Variants in CCDC39 observed in about 807,000 individuals in gnomAD.
CCDC39 encodes the protein coiled-coil domain-containing protein 39.
In CCDC39, 113 loss-of-function variants were observed where a neutral mutation model predicts 121.0. The ratio of observed to expected loss-of-function variants is 0.93; its 90% CI spans 0.80 to 1.09. CCDC39 has a LOEUF of 1.09. CCDC39 is among the 50% of genes least tolerant of loss of function. CCDC39 has a pLI of 0.00. For missense variants in CCDC39, 1,063 were observed against 1,074.7 expected (o/e 0.99, Z 0.15); for synonymous variants, 349 against 352.2 (o/e 0.99, Z 0.10).
chr3:180,619,459 T>C (rs757073786), intron 15 of CCDC39, 94 bp from the exon 16 acceptor site: 1 of 715,762 alleles, frequency 1.4e-6, no homozygotes, highest in East Asian at 2.8e-5. Context: ...ATTTTTGTTA[T>C]GAAAGTTTAA....
chr3:180,628,244 T>C (rs1717609777), intron 14 of CCDC39, among the ~76,000 whole-genome samples: 2 of 152,186 alleles, frequency 1.3e-5, no homozygotes, highest in Non-Finnish European at 2.9e-5. Flanking sequence ...GGAGTCTCAC[T>C]CTGTCGCCCA....
intron 14 of CCDC39, among the ~76,000 whole-genome samples, chr3:180,625,066 C>G (rs1717525989): frequency 6.6e-6 from 1 of 152,098 alleles, no homozygotes; most frequent in Admixed American, 6.5e-5. Context: ...CGGCGTCTAA[C>G]TCTCTTACTA....
chr3:180,665,633 T>C (rs1184485918), intron 1 of CCDC39, among the ~76,000 whole-genome samples: 1 of 151,956 alleles, frequency 6.6e-6, no homozygotes, highest in Non-Finnish European at 1.5e-5. Context: ...TCTTAATGAT[T>C]GAATTAAAAA....
chr3:180,663,543 G>A (rs1356976144), intron 2 of CCDC39, among the ~76,000 whole-genome samples: 1 of 151,788 alleles, frequency 6.6e-6, no homozygotes, highest in African/African-American at 2.4e-5. Context: ...GGTGGTGGGT[G>A]CCTATAATCC....
intron 6 of CCDC39, 28 bp from the exon 7 acceptor site, chr3:180,654,981 A>T (rs1476023098): frequency 7.3e-7 from 1 of 1,376,824 alleles, no homozygotes; most frequent in Non-Finnish European, 9.7e-7. Flanking sequence ...ATGTTTACTT[A>T]AATATATGTT....
intron 6 of CCDC39, 43 bp from the exon 7 acceptor site, chr3:180,654,996 C>A (rs1261412502): frequency 8.1e-7 from 1 of 1,237,432 alleles, no homozygotes; most frequent in South Asian, 1.8e-5. Context: ...TATGTTTAAA[C>A]TGAGAAAACT....
chr3:180,641,927 G>A, intron 13 of CCDC39, 66 bp downstream of exon 13: 4 of 1,130,024 alleles, frequency 3.5e-6, no homozygotes, highest in Non-Finnish European at 5.0e-6. Flanking sequence ...GTTAGAGGGG[G>A]CAGCTAGTTC....
rs1717172932 is a variant in CCDC39, at chr3:180,614,943, T to C, written c.2804A>G (p.Lys935Arg). ...TGTTTATTTGCTGCTCTTTTTGCTCTTAACATTACTAGAGCTACTACTAGC... is the reference window on the plus strand; with the variant it reads ...TGTTTATTTGCTGCTCTTTTTGCTCCTAACATTACTAGAGCTACTACTAGC... ...SSASSSSSNV[K>R]SKKSSK The change falls in exon 20 of 20, where the codon AAG (lysine) becomes AGG (arginine). Residue 935 changes from lysine to arginine, a missense_variant. Coordinates refer to ENST00000476379, the MANE Select transcript of CCDC39 (RefSeq NM_181426.2). 11 of 1,565,368 alleles carry C rather than the reference T, an allele frequency of 7.0e-6. No individual in the cohort carries two copies. The highest frequency in any genetic ancestry group is 1.2e-5 in the South Asian group (1 of 84,926).
At chr3:180,640,074 C>G (rs1377548344) in intron 13 of CCDC39, among the ~76,000 whole-genome samples, 1 of 151,798 alleles carries the variant, frequency 6.6e-6, no homozygotes, top group East Asian at 1.9e-4. Context: ...GGGGGAAGGA[C>G]CGAAGGGAGG....
chr3:180,617,648 T>G (rs1717299469), intron 16 of CCDC39: 1 of 405,880 alleles, frequency 2.5e-6, no homozygotes, highest in Non-Finnish European at 4.4e-6. Flanking sequence ...AGAAAAATGC[T>G]TAGAGAATAA....
chr3:180,676,614 A>C (rs146311491), intron 1 of CCDC39, among the ~76,000 whole-genome samples: 5,756 of 152,242 alleles, frequency 0.038, 372 homozygotes, highest in African/African-American at 0.13. Flanking sequence ...AACTAGAAAT[A>C]CCATTTGACC....
At position 180,647,252 on chromosome 3, in the gene CCDC39, G is replaced by C; in HGVS notation, c.1363-9C>G. On this transcript the variant is annotated splice_polypyrimidine_tract_variant and intron_variant, in intron 10 of 19. Coordinates refer to ENST00000476379, the MANE Select transcript of CCDC39 (RefSeq NM_181426.2). ...TGTTGAATGTGAAAATCCTGTTACAGTTTAAAAAAAAAAAGGTATTACAAA... is the reference window on the plus strand; with the variant it reads ...TGTTGAATGTGAAAATCCTGTTACACTTTAAAAAAAAAAAGGTATTACAAA... 6.7e-7 allele frequency: 1 copy of C among 1,491,820 alleles called. No individual in the cohort carries two copies. The highest frequency in any genetic ancestry group is 9.0e-7 in the Non-Finnish European group (1 of 1,115,162). The allele number at this position is 1,491,820 out of a possible 1,614,324, so 92.4% of individuals were successfully genotyped here.
chr3:180,678,384 A>C (rs750180474), intron 1 of CCDC39, among the ~76,000 whole-genome samples: 7 of 152,104 alleles, frequency 4.6e-5, no homozygotes, highest in Non-Finnish European at 8.8e-5. Context: ...AGCTGAGAAA[A>C]CTTTCTGTTC....
rs751268978 is a variant in CCDC39, at chr3:180,654,748, T to G, written c.930+14A>C. The G allele has an allele frequency of 1.5e-5, 24 of 1,583,208 alleles. No individual in the cohort carries two copies. The highest frequency in any genetic ancestry group is 4.1e-5 in the African/African-American group (3 of 73,846). ...TCGTGAACATACAAGCCAGTCTTTT[T>G]TGAGTTGACATACCTCACCCTTCAG... On this transcript the variant is annotated intron_variant, in intron 7 of 19. Coordinates refer to ENST00000476379, the MANE Select transcript of CCDC39 (RefSeq NM_181426.2).
chr3:180,634,860 T>C (rs1472468997), intron 13 of CCDC39, among the ~76,000 whole-genome samples: 1 of 151,980 alleles, frequency 6.6e-6, no homozygotes, highest in African/African-American at 2.4e-5. Context: ...CAGCTACAAA[T>C]AAAGACCCCA....
In CCDC39 at chr3:180,679,207, A is replaced by G; in HGVS notation, c.90+84T>C. On this transcript the variant is annotated intron_variant, in intron 1 of 19. Coordinates refer to ENST00000476379, the MANE Select transcript of CCDC39 (RefSeq NM_181426.2). The surrounding 1 kb of genome is among the most constrained non-coding windows in gnomAD (Gnocchi z 4.0). ...ACAGGATTAGGAAAGGAGAGAAATA[A>G]AAGGGCTGGGGTAGTACTGCCAACC... The G allele has an allele frequency of 1.0e-6, 1 of 988,282 alleles. No individual in the cohort carries two copies. Among genetic ancestry groups the G allele is most frequent in the East Asian group, 2.4e-5 (1 of 42,068 alleles). 61.2% of individuals were successfully genotyped at this position (988,282 alleles called of 1,614,324 possible).
intron 1 of CCDC39, among the ~76,000 whole-genome samples, chr3:180,668,169 G>A (rs1456554532): frequency 6.6e-6 from 1 of 152,070 alleles, no homozygotes. Flanking sequence ...CTTGAGACCG[G>A]GAGTTCAAGA....
At chr3:180,646,863 C>G (rs1010449698) in intron 11 of CCDC39, among the ~76,000 whole-genome samples, 1 of 151,994 alleles carries the variant, frequency 6.6e-6, no homozygotes, top group African/African-American at 2.4e-5. Flanking sequence ...AAATAAAATA[C>G]TAGAGGCATG....
intron 11 of CCDC39, among the ~76,000 whole-genome samples, chr3:180,646,697 TCTAAACAGTGTA>T (rs1462777529): frequency 6.6e-6 from 1 of 152,106 alleles, no homozygotes; most frequent in African/African-American, 2.4e-5. Flanking sequence ...TTATCAATGT[TCTAAACAGTGTA>T]CTCTTGAAGA....
Sources: allele counts gnomAD v4.1 joint callset (sites outside exome capture counted in the v4.1 genomes callset), GRCh38; gene constraint gnomAD v4.1.1; non-coding constraint Gnocchi (gnomAD v3.1); transcripts MANE v1.5; gene names NCBI Gene and HGNC (gene_info 2026-07-23, HGNC 2026-07-21).